FN1: variants seen among roughly 807,000 people sequenced by gnomAD.
FN1 encodes fibronectin.
In FN1, 106 loss-of-function variants were observed where a neutral mutation model predicts 297.3. The ratio of observed to expected loss-of-function variants is 0.36; its 90% CI spans 0.30 to 0.42. FN1 has a LOEUF of 0.42. Among genes scored for constraint, FN1 ranks in the 10% least tolerant of loss-of-function variants. The probability of loss-of-function intolerance (pLI) is 1.00; values close to 1 mark genes in which losing one functional copy is unlikely to be tolerated. For synonymous variants in FN1, 1,149 were observed against 1,152.6 expected (o/e 1.00, Z 0.06); for missense variants, 2,690 against 3,124.9 (o/e 0.86, Z 3.32).
At chr2:215,430,670 A>G in intron 5 of FN1, 45 bp downstream of exon 5, 3 of 1,608,166 alleles carry the variant, frequency 1.9e-6, no homozygotes, top group Non-Finnish European at 2.6e-6. Context: ...GGAATCCAGA[A>G]AACAATACCT....
In FN1 at chr2:215,386,076, C is replaced by CTTTTTTT. The variant is rs571159227; in HGVS notation, c.4612+606_4612+612dup. Among the ~76,000 whole-genome samples the CTTTTTTT allele has an allele frequency of 5.0e-3, 549 of 109,354 alleles. 12 individuals are homozygous for CTTTTTTT. The highest frequency in any genetic ancestry group is 0.027 in the East Asian group (66 of 2,490). 71.7% of individuals were successfully genotyped at this position (109,354 alleles called of 152,430 possible). On this transcript the variant is annotated intron_variant, in intron 28 of 45. Coordinates refer to ENST00000354785, the MANE Select transcript of FN1 (RefSeq NM_212482.4). Reference sequence around the variant, plus strand: ...CAAGCGTGAGCCATTGCGCCTGGCCCTTTTTTTTTTTTTTTTTTTGAGACA... The same window carrying CTTTTTTT: ...CAAGCGTGAGCCATTGCGCCTGGCCCTTTTTTTTTTTTTTTTTTTTTTTTTTGAGACA...
At chr2:215,400,337 G>GT (rs1220810291) in intron 20 of FN1, among the ~76,000 whole-genome samples, 4 of 152,212 alleles carry the variant, frequency 2.6e-5, no homozygotes, top group Middle Eastern at 3.4e-3. Context: ...CTTTAAATAC[G>GT]TGATTATTCT....
At chr2:215,394,397 A>T in intron 24 of FN1, 131 bp downstream of exon 24, 2 of 841,350 alleles carry the variant, frequency 2.4e-6, no homozygotes, top group Non-Finnish European at 4.1e-6. Flanking sequence ...TTGGTTTTGG[A>T]AAGTGCAGCT....
chr2:215,376,308 T>C (rs892402203), intron 36 of FN1, among the ~76,000 whole-genome samples, 190 bp downstream of exon 36: 1 of 152,178 alleles, frequency 6.6e-6, no homozygotes, highest in African/African-American at 2.4e-5. Context: ...ATGACAAATA[T>C]TACACAAAAT....
chr2:215,367,790 C>T, intron 42 of FN1, 73 bp downstream of exon 42: 1 of 1,469,118 alleles, frequency 6.8e-7, no homozygotes, highest in East Asian at 2.3e-5. Flanking sequence ...AAACATGCTT[C>T]CTTGGCACAT....
Position 215,404,640 on chromosome 2 carries a change from GT to G in FN1, c.3001del (p.Thr1001LeufsTer15). 6.2e-7 allele frequency: 1 copy of G among 1,613,786 alleles called. No homozygotes were observed. Among genetic ancestry groups the G allele is most frequent in the Non-Finnish European group, 8.5e-7 (1 of 1,179,662 alleles). On this transcript the variant is annotated frameshift_variant, in exon 20 of 46. Transcript: ENST00000354785. LOFTEE classifies it high-confidence loss of function. ...AGTTTCATTGACAAACTGGAGGTTA[GT>G]GGGAGCATCCAGTTCTAGGAAAAAA... ...AQQTTKLDAP[T>X]NLQFVNETDS...
chr2:215,380,700 A>C (rs781650579), intron 33 of FN1, 111 bp downstream of exon 33: 5 of 1,264,240 alleles, frequency 4.0e-6, no homozygotes, highest in Non-Finnish European at 5.8e-6. Context: ...TTTCCTAATA[A>C]TTCTTTTTCA....
rs149835247 is a variant in FN1, at chr2:215,379,352, T to C, written c.5435-35A>G. ...TTGTCATTGGTTAGAGGTTATCTTA[T>C]AGGAAATGGGGGAAAAGGAAAATAA... On this transcript the variant is annotated intron_variant, in intron 33 of 45. Coordinates refer to ENST00000354785, the MANE Select transcript of FN1 (RefSeq NM_212482.4). The C allele has an allele frequency of 1.2e-4, 198 of 1,590,648 alleles. No homozygotes were observed. In the African/African-American group the frequency reaches 2.2e-3, roughly 18 times the overall value.
chr2:215,414,690 A>T (rs1298142678), intron 13 of FN1, 147 bp downstream of exon 13: 2 of 1,442,332 alleles, frequency 1.4e-6, no homozygotes, highest in African/African-American at 2.9e-5. Flanking sequence ...AATTGACCAC[A>T]TATTGTTTGT....
chr2:215,407,469 C>G, intron 17 of FN1, 148 bp from the exon 18 acceptor site: 1 of 713,804 alleles, frequency 1.4e-6, no homozygotes, highest in Non-Finnish European at 2.5e-6. Flanking sequence ...TTGAATATTG[C>G]CACTTCTTCT....
At chr2:215,366,304 G>T (rs2054594563) in intron 42 of FN1, among the ~76,000 whole-genome samples, 1 of 152,100 alleles carries the variant, frequency 6.6e-6, no homozygotes, top group Non-Finnish European at 1.5e-5. Flanking sequence ...GATTGGAGTA[G>T]ACTGTTAGGA....
intron 31 of FN1, 62 bp from the exon 32 acceptor site, chr2:215,382,387 G>A: frequency 2.8e-6 from 3 of 1,068,144 alleles, no homozygotes; most frequent in Non-Finnish European, 4.4e-6. Flanking sequence ...TCCTCAAGTG[G>A]CGTCTAGAGT....
chr2:215,371,224 C>T (rs368915566), intron 40 of FN1, among the ~76,000 whole-genome samples: 14 of 151,758 alleles, frequency 9.2e-5, no homozygotes, highest in East Asian at 7.8e-4. Context: ...GCCGAGATCA[C>T]GCCACTGCAC....
chr2:215,432,784 T>C lies in FN1; in HGVS notation c.415+540A>G, dbSNP rs114415811. On this transcript the variant is annotated intron_variant, in intron 3 of 45. Coordinates refer to ENST00000354785, the MANE Select transcript of FN1 (RefSeq NM_212482.4). Reference sequence around the variant, plus strand: ...TCCTTAGCAAACTCTATTGGGTTAATAATTTTGTATTATCCCTAGGAATAG... The same window carrying C: ...TCCTTAGCAAACTCTATTGGGTTAACAATTTTGTATTATCCCTAGGAATAG... 3.6e-3 allele frequency among the ~76,000 whole-genome samples: 543 copies of C among 152,328 alleles called. 3 individuals are homozygous for C. Among genetic ancestry groups the C allele is most frequent in the African/African-American group, 0.012 (516 of 41,568 alleles).
intron 41 of FN1, among the ~76,000 whole-genome samples, chr2:215,369,606 G>C (rs764764474): frequency 5.3e-5 from 8 of 152,116 alleles, no homozygotes; most frequent in Non-Finnish European, 1.0e-4. Context: ...CATGTGCCTT[G>C]GTGAATTTTC....
chr2:215,434,224 T>C (rs570241921), intron 2 of FN1, among the ~76,000 whole-genome samples: 1 of 152,344 alleles, frequency 6.6e-6, no homozygotes, highest in Non-Finnish European at 1.5e-5. Flanking sequence ...ACAGAGTTGC[T>C]ATAATTTATG....
At position 215,378,134 on chromosome 2, in the gene FN1, A is replaced by G. The variant is rs375473853; in HGVS notation, c.5710+41T>C. The stretch of plus-strand genomic sequence containing the variant: ...ATTTACCATTCTTTAATTTTTGTCT[A>G]TACAGAAGGTTTGTCCATATGAAGA... On this transcript the variant is annotated intron_variant, in intron 35 of 45. Coordinates refer to ENST00000354785, the MANE Select transcript of FN1 (RefSeq NM_212482.4). 122 of 1,167,688 alleles carry G rather than the reference A, an allele frequency of 1.0e-4. 1 individual carries two copies. In the African/African-American group the frequency reaches 1.7e-3, roughly 16 times the overall value. 72.3% of individuals were successfully genotyped at this position (1,167,688 alleles called of 1,614,324 possible).
intron 10 of FN1, among the ~76,000 whole-genome samples, chr2:215,421,881 T>A (rs574375277): frequency 2.0e-5 from 3 of 152,216 alleles, no homozygotes; most frequent in Non-Finnish European, 4.4e-5. Flanking sequence ...TAGGAGTGTT[T>A]CAGAACATTA....
chr2:215,381,167 T>C, intron 32 of FN1, 87 bp from the exon 33 acceptor site: 2 of 1,345,546 alleles, frequency 1.5e-6, no homozygotes, highest in Non-Finnish European at 1.1e-6. Context: ...GTTTTGCAGA[T>C]ACCATTTTCT....
Sources: gnomAD v4.1 joint callset for allele counts (sites outside exome capture counted in the v4.1 genomes callset) on GRCh38, gnomAD v4.1.1 for gene constraint, MANE v1.5 for transcripts, NCBI Gene and HGNC (gene_info 2026-07-23, HGNC 2026-07-21) for gene names.